Variants in MYLK4 observed in about 807,000 individuals in gnomAD.
The protein encoded by MYLK4 is myosin light chain kinase family member 4.
MYLK4 carries 46 observed loss-of-function variants against 48.1 expected under a neutral mutation model. That is an observed-to-expected ratio of 0.96 (90% CI 0.75 to 1.22). The LOEUF (loss-of-function observed/expected upper bound fraction) is 1.22, where lower values mean the gene tolerates loss of function less well. MYLK4 is among the 50% of genes most tolerant of loss of function. The pLI, the probability that MYLK4 is intolerant of heterozygous loss-of-function variation, is 0.00. For synonymous variants in MYLK4, 170 were observed against 180.8 expected (o/e 0.94, Z 0.48); for missense variants, 451 against 486.1 (o/e 0.93, Z 0.68).
intron 2 of MYLK4, among the ~76,000 whole-genome samples, chr6:2,726,614 T>G (rs922777874): frequency 6.7e-6 from 1 of 149,730 alleles, no homozygotes; most frequent in African/African-American, 2.5e-5. Flanking sequence ...AATTTTTTTT[T>G]TTTTTTTTTT....
chr6:2,769,979 C>T, the MYLK4 span: 11,359 of 1,210,838 alleles, frequency 9.4e-3, 95 homozygotes, highest in Middle Eastern at 0.012. Flanking sequence ...CATCTATATT[C>T]AGTGAATATA....
At chr6:2,757,006 T>G in the MYLK4 span, among the ~76,000 whole-genome samples, 2 of 152,200 alleles carry the variant, frequency 1.3e-5, no homozygotes, top group African/African-American at 4.8e-5. Context: ...CAAGTCATGC[T>G]CTTCTGACCA....
chr6:2,689,314 T>A (rs148254049), intron 3 of MYLK4, among the ~76,000 whole-genome samples: 1 of 152,380 alleles, frequency 6.6e-6, no homozygotes, highest in East Asian at 1.9e-4. Flanking sequence ...AGAAATTGTT[T>A]GATTCATTTT....
At chr6:2,742,639 G>A (rs1763937403) in intron 2 of MYLK4, among the ~76,000 whole-genome samples, 3 of 148,776 alleles carry the variant, frequency 2.0e-5, no homozygotes, top group Non-Finnish European at 4.4e-5. Context: ...AACACCGCAT[G>A]TTCTCACTCA....
chr6:2,685,359 G>A lies in MYLK4; in HGVS notation c.482C>T (p.Ala161Val), dbSNP rs772399027. 33 of 1,613,828 alleles carry A rather than the reference G, an allele frequency of 2.0e-5. No individual in the cohort carries two copies. In the East Asian group the frequency reaches 4.0e-4, roughly 20 times the overall value. The change falls in exon 6 of 13, where the codon GCG becomes GTG. Residue 161 changes from alanine to valine, a missense_variant. Physicochemically the swap from Ala to Val is moderately conservative, Grantham distance 64. Transcript: ENST00000274643. This position sits in a 1 kb window ranked among gnomAD's most constrained non-coding sequence, Gnocchi z 4.5. ...EISVMNQLDHANLIQLYDAFE... is the reference protein window; with the variant it reads ...EISVMNQLDHVNLIQLYDAFE... ...GGCATCGTACAGCTGGATGAGGTTCGCGTGGTCCAGCTGGTTCATGACGCT... is the reference window on the plus strand; with the variant it reads ...GGCATCGTACAGCTGGATGAGGTTCACGTGGTCCAGCTGGTTCATGACGCT...
chr6:2,690,861 G>A (rs545111712), intron 3 of MYLK4, among the ~76,000 whole-genome samples: 29 of 116,254 alleles, frequency 2.5e-4, no homozygotes, highest in African/African-American at 8.3e-4. Flanking sequence ...ACCGAGTCTC[G>A]CTCTGTCGCC....
At chr6:2,708,797 G>A (rs1025158046) in intron 2 of MYLK4, among the ~76,000 whole-genome samples, 12 of 152,200 alleles carry the variant, frequency 7.9e-5, no homozygotes, top group South Asian at 2.1e-4. Flanking sequence ...TGCCTTTTGC[G>A]TCTCCGTATA....
At chr6:2,753,835 A>C (rs1255264109), upstream of MYLK4, among the ~76,000 whole-genome samples, 3 of 152,086 alleles carry the variant, frequency 2.0e-5, no homozygotes, top group Non-Finnish European at 2.9e-5. Context: ...ATCATTTCAC[A>C]CCCACTAGGA....
intron 2 of MYLK4, among the ~76,000 whole-genome samples, chr6:2,722,179 G>A (rs775776043): frequency 6.6e-6 from 1 of 152,150 alleles, no homozygotes. Context: ...GAAGTCTCTT[G>A]GAGAAATTTC....
chr6:2,757,323 T>C, the MYLK4 span, among the ~76,000 whole-genome samples: 1 of 152,156 alleles, frequency 6.6e-6, no homozygotes, highest in Non-Finnish European at 1.5e-5. Flanking sequence ...AAGCACCAGT[T>C]AGTGTATGGA....
At chr6:2,686,331 A>G (rs909861449) in intron 4 of MYLK4, among the ~76,000 whole-genome samples, 1 of 152,240 alleles carries the variant, frequency 6.6e-6, no homozygotes, top group African/African-American at 2.4e-5. Flanking sequence ...GATATATAAA[A>G]TTATTTTTGG....
chr6:2,683,244 G>A, intron 6 of MYLK4, 82 bp from the exon 7 acceptor site: 2 of 1,479,578 alleles, frequency 1.4e-6, no homozygotes, highest in East Asian at 2.3e-5. Flanking sequence ...TGTCGTGCAA[G>A]TTCTGCTACC....
intron 2 of MYLK4, among the ~76,000 whole-genome samples, chr6:2,723,335 T>C (rs1259252165): frequency 6.6e-6 from 1 of 152,232 alleles, no homozygotes; most frequent in African/African-American, 2.4e-5. Context: ...CTGATAATTA[T>C]TAAGATAATT....
chr6:2,770,230 T>A, the MYLK4 span: 4 of 1,614,218 alleles, frequency 2.5e-6, no homozygotes, highest in Non-Finnish European at 3.4e-6. Context: ...GTCGAGTGAT[T>A]GTTCTTGAGA....
At chr6:2,730,691 T>C (rs1382369298) in intron 2 of MYLK4, among the ~76,000 whole-genome samples, 1 of 150,564 alleles carries the variant, frequency 6.6e-6, no homozygotes, top group Admixed American at 6.6e-5. Flanking sequence ...TCATACCCTG[T>C]TTTTTTTTCT....
chr6:2,718,660 ATAATATT>A (rs1762955989), intron 2 of MYLK4, among the ~76,000 whole-genome samples: 2 of 152,206 alleles, frequency 1.3e-5, no homozygotes, highest in Non-Finnish European at 1.5e-5. Flanking sequence ...ATCTTTATGT[ATAATATT>A]TAATCCACCA....
intron 2 of MYLK4, among the ~76,000 whole-genome samples, chr6:2,738,470 C>T (rs1763778031): frequency 6.6e-6 from 1 of 152,236 alleles, no homozygotes; most frequent in Non-Finnish European, 1.5e-5. Flanking sequence ...TCTGTGTCTA[C>T]GAACAGAGAG....
intron 12 of MYLK4, among the ~76,000 whole-genome samples, chr6:2,669,839 C>A (rs60645910): frequency 0.31 from 46,881 of 152,078 alleles, 7,477 homozygotes; most frequent in Middle Eastern, 0.41. Context: ...AATGCACAAG[C>A]CTTCCTGTTC....
chr6:2,743,739 C>T (rs1763974237), intron 2 of MYLK4, among the ~76,000 whole-genome samples: 1 of 152,194 alleles, frequency 6.6e-6, no homozygotes, highest in African/African-American at 2.4e-5. Flanking sequence ...TGAAATGTGC[C>T]ACATGCCACT....
Sources: allele counts gnomAD v4.1 joint callset (sites outside exome capture counted in the v4.1 genomes callset), GRCh38; gene constraint gnomAD v4.1.1; non-coding constraint Gnocchi (gnomAD v3.1); transcripts MANE v1.5; gene names NCBI Gene and HGNC (gene_info 2026-07-23, HGNC 2026-07-21).